The following ICA1L variants were observed in gnomAD, a reference collection of about 807,000 sequenced individuals.
ICA1L encodes the protein islet cell autoantigen 1-like protein.
Under a neutral mutation model 61.3 loss-of-function variants are expected in ICA1L, and 50 were observed. The ratio of observed to expected loss-of-function variants is 0.82; its 90% CI spans 0.65 to 1.03. The LOEUF is 1.03. Ranked by LOEUF, ICA1L falls within the 50% of genes least tolerant of loss-of-function variation. The pLI is 0.00. For missense variants in ICA1L, 508 were observed against 556.7 expected (o/e 0.91, Z 0.88); for synonymous variants, 161 against 191.3 (o/e 0.84, Z 1.31).
At chr2:202,825,295 C>T (rs1693809680) in intron 3 of ICA1L, 1 of 170,402 alleles carries the variant, frequency 5.9e-6, no homozygotes, top group Non-Finnish European at 1.3e-5. Flanking sequence ...ATAGTGAGAC[C>T]CTGTGTCTAC....
At chr2:202,802,724 GAAAT>G (rs1167359267) in intron 9 of ICA1L, among the ~76,000 whole-genome samples, 1 of 151,962 alleles carries the variant, frequency 6.6e-6, no homozygotes, top group East Asian at 1.9e-4. Flanking sequence ...AATATAGAAA[GAAAT>G]AGTAAGACAG....
chr2:202,794,818 AAAGATATAC>A (rs1166366010), intron 10 of ICA1L, among the ~76,000 whole-genome samples: 1 of 152,154 alleles, frequency 6.6e-6, no homozygotes, highest in African/African-American at 2.4e-5. Context: ...AAAAAGTCTG[AAAGATATAC>A]AAGTAAACTT....
chr2:202,810,736 G>T (rs1189703917), intron 9 of ICA1L, among the ~76,000 whole-genome samples: 1 of 152,158 alleles, frequency 6.6e-6, no homozygotes, highest in Non-Finnish European at 1.5e-5. Flanking sequence ...AATATCGCTG[G>T]ATTCTTTTTC....
chr2:202,789,036 T>G lies in ICA1L; in HGVS notation c.1037A>C (p.Glu346Ala). Residue 346 changes from glutamate to alanine, a missense_variant, in exon 11 of 13, where the codon GAA (glutamate) becomes GCA (alanine). Transcript: ENST00000358299. ...DSLEGEDFEK[E>A]FSFLNNLLSS... is the part of the protein sequence containing the mutation. ...TAGGAGGTTGTTCAGAAATGAGAAT[T>G]CCTTCTCAAAATCTTCTCCTTCCAA... is the stretch of plus-strand genomic sequence containing the variant. 1 of 1,611,976 alleles carries G rather than the reference T, an allele frequency of 6.2e-7. No homozygotes were observed. Among genetic ancestry groups the G allele is most frequent in the South Asian group, 1.1e-5 (1 of 90,858 alleles).
chr2:202,779,532 G>C lies in ICA1L; in HGVS notation c.*1C>G. On this transcript the variant is annotated 3_prime_UTR_variant, in exon 13 of 13. Transcript: ENST00000358299. ...CCACTGAAGTGACATTATAACTTCA[G>C]TCAAGCATTAAGAAGTTCATCATCT... The C allele has an allele frequency of 6.4e-7, 1 of 1,560,960 alleles. No homozygotes were observed. Among genetic ancestry groups the C allele is most frequent in the Non-Finnish European group, 8.8e-7 (1 of 1,135,778 alleles).
chr2:202,821,076 T>C (rs572369821), intron 4 of ICA1L, among the ~76,000 whole-genome samples: 1 of 152,334 alleles, frequency 6.6e-6, no homozygotes, highest in African/African-American at 2.4e-5. Context: ...TTGAGAAATA[T>C]AACTGATACT....
intron 11 of ICA1L, 79 bp from the exon 12 acceptor site, chr2:202,786,086 A>T: frequency 1.3e-6 from 1 of 787,176 alleles, no homozygotes; most frequent in Non-Finnish European, 2.2e-6. Context: ...AGGTAAAAAT[A>T]TCTAAGTCCT....
rs1692219920 is a variant in ICA1L at position 202,776,291 on chromosome 2, C to T, written c.*3242G>A. 1 of 151,974 alleles carries T rather than the reference C, an allele frequency of 6.6e-6. No homozygotes were observed. The highest frequency in any genetic ancestry group is 1.5e-5 in the Non-Finnish European group (1 of 68,028). 9.4% of individuals were successfully genotyped at this position (151,974 alleles called of 1,614,324 possible). A position where few individuals can be genotyped will look rare whatever the true frequency, so the allele number is the denominator to read the frequency against. Reference sequence around the variant, plus strand: ...CTCCTAAAAAATGGTTGTAGACACACTAGGCAAAGTTTAGCTCGTCTGGTT... The same window carrying T: ...CTCCTAAAAAATGGTTGTAGACACATTAGGCAAAGTTTAGCTCGTCTGGTT... On this transcript the variant is annotated 3_prime_UTR_variant, in exon 13 of 13. Coordinates refer to ENST00000358299, the MANE Select transcript of ICA1L (RefSeq NM_001288622.3).
intron 1 of ICA1L, chr2:202,841,670 C>T (rs1015093212): frequency 1.8e-6 from 1 of 565,758 alleles, no homozygotes; most frequent in Non-Finnish European, 3.4e-6. Flanking sequence ...GCTCAAGGAG[C>T]TGATGCAGGC....
chr2:202,828,239 G>A (rs1693902055), intron 2 of ICA1L, among the ~76,000 whole-genome samples: 2 of 147,440 alleles, frequency 1.4e-5, no homozygotes, highest in African/African-American at 5.0e-5. Flanking sequence ...ACTCCAGCCT[G>A]GGCAACCAGA....
intron 1 of ICA1L, among the ~76,000 whole-genome samples, chr2:202,852,258 A>G (rs1694646576): frequency 6.6e-6 from 1 of 152,140 alleles, no homozygotes. Flanking sequence ...CTTTGGGTAT[A>G]TACCCTGTAA....
intron 1 of ICA1L, among the ~76,000 whole-genome samples, chr2:202,843,913 G>A (rs1332733601): frequency 6.6e-6 from 1 of 152,168 alleles, no homozygotes; most frequent in African/African-American, 2.4e-5. Flanking sequence ...CAACTTCCCA[G>A]AAAGTTTCCT....
At chr2:202,857,521 C>T (rs529722559) in intron 1 of ICA1L, among the ~76,000 whole-genome samples, 18 of 152,154 alleles carry the variant, frequency 1.2e-4, no homozygotes, top group African/African-American at 4.3e-4. Context: ...CCATAAAAAC[C>T]CTAGAAGAAA....
intron 1 of ICA1L, chr2:202,841,285 C>A (rs746408699): frequency 3.2e-4 from 234 of 742,120 alleles, no homozygotes; most frequent in Non-Finnish European, 5.3e-4. Context: ...GGCATGTTGC[C>A]AAGCTCTGCC....
intron 10 of ICA1L, among the ~76,000 whole-genome samples, chr2:202,794,716 T>C (rs887339494): frequency 1.3e-5 from 2 of 151,908 alleles, no homozygotes; most frequent in Admixed American, 1.3e-4. Context: ...TGAAAATATA[T>C]AATGGAAAAG....
chr2:202,783,966 A>G (rs987708511), intron 12 of ICA1L, among the ~76,000 whole-genome samples: 7 of 152,298 alleles, frequency 4.6e-5, no homozygotes, highest in Admixed American at 3.3e-4. Context: ...TGGAAACCTA[A>G]GTGAAGAATG....
Position 202,793,494 on chromosome 2 carries a change from T to TAAAAAA in ICA1L, c.985+3390_985+3395dup, listed in dbSNP as rs755015399. Among the ~76,000 whole-genome samples the TAAAAAA allele has an allele frequency of 6.4e-4, 20 of 31,350 alleles. 2 individuals carry two copies. The highest frequency in any genetic ancestry group is 2.9e-3 in the African/African-American group (20 of 6,798). The allele number at this position is 31,350 out of a possible 152,430, so 20.6% of individuals were successfully genotyped here. A position where few individuals can be genotyped will look rare whatever the true frequency, so the allele number is the denominator to read the frequency against. On this transcript the variant is annotated intron_variant, in intron 10 of 12. Coordinates refer to ENST00000358299, the MANE Select transcript of ICA1L (RefSeq NM_001288622.3). The stretch of plus-strand genomic sequence containing the variant: ...CAACATGGCAATATCCCGTCTCTAC[T>TAAAAAA]AAAAAAAAAAAAAAAAAAAAAAAAA...
chr2:202,773,930 A>G lies in ICA1L; in HGVS notation c.*5603T>C, dbSNP rs1323248776. 37 of 1,196,248 alleles carry G rather than the reference A, an allele frequency of 3.1e-5. No individual in the cohort carries two copies. Among genetic ancestry groups the G allele is most frequent in the Non-Finnish European group, 4.4e-5 (36 of 816,482 alleles). 74.1% of individuals were successfully genotyped at this position (1,196,248 alleles called of 1,614,324 possible). A position where few individuals can be genotyped will look rare whatever the true frequency, so the allele number is the denominator to read the frequency against. The stretch of plus-strand genomic sequence containing the variant: ...GAACAGTCAACGTAGAAAGAGACAG[A>G]AAGATTCTTCTCTTCCGCTTATTAC... On this transcript the variant is annotated 3_prime_UTR_variant, in exon 13 of 13. Coordinates refer to ENST00000358299, the MANE Select transcript of ICA1L (RefSeq NM_001288622.3).
chr2:202,851,475 T>C (rs1219771627), intron 1 of ICA1L, among the ~76,000 whole-genome samples: 2 of 152,212 alleles, frequency 1.3e-5, no homozygotes, highest in African/African-American at 4.8e-5. Context: ...TAAACATACG[T>C]GTGCATGTGT....
Sources: gnomAD v4.1 joint callset for allele counts (sites outside exome capture counted in the v4.1 genomes callset) on GRCh38, gnomAD v4.1.1 for gene constraint, MANE v1.5 for transcripts, NCBI Gene and HGNC (gene_info 2026-07-23, HGNC 2026-07-21) for gene names.